DNAAF11: variants seen among roughly 807,000 people sequenced by gnomAD.
DNAAF11 encodes dynein axonemal assembly factor 11, also known as leucine rich repeat containing 6.
DNAAF11 carries 45 observed loss-of-function variants against 60.8 expected under a neutral mutation model. The ratio of observed to expected loss-of-function variants is 0.74; its 90% CI spans 0.58 to 0.95. DNAAF11 has a LOEUF of 0.95. Ranked by LOEUF, DNAAF11 falls within the 40% of genes least tolerant of loss-of-function variation. The probability of loss-of-function intolerance (pLI) is 0.00; values close to 1 mark genes in which losing one functional copy is unlikely to be tolerated. For synonymous variants in DNAAF11, 191 were observed against 183.5 expected (o/e 1.04, Z -0.33); for missense variants, 546 against 546.2 (o/e 1.00, Z 0.00).
At chr8:132,578,637 A>C in intron 11 of DNAAF11, 1 of 614,924 alleles carries the variant, frequency 1.6e-6, no homozygotes, top group East Asian at 3.0e-5. Context: ...AAAAAACATA[A>C]AGAAAGAACT....
intron 8 of DNAAF11, among the ~76,000 whole-genome samples, chr8:132,612,394 C>G (rs909485961): frequency 6.6e-6 from 1 of 152,102 alleles, no homozygotes; most frequent in Non-Finnish European, 1.5e-5. Flanking sequence ...CATGCTTGGG[C>G]CCCCTAAAAT....
At chr8:132,616,773 T>A (rs963734710) in intron 7 of DNAAF11, among the ~76,000 whole-genome samples, 7 of 152,198 alleles carry the variant, frequency 4.6e-5, no homozygotes, top group African/African-American at 1.7e-4. Context: ...AAAAGTTTTC[T>A]CAGCAAGGCA....
chr8:132,679,291 G>T (rs1394089920), upstream of DNAAF11, among the ~76,000 whole-genome samples: 2 of 152,114 alleles, frequency 1.3e-5, no homozygotes, highest in Admixed American at 1.3e-4. Context: ...GACACTTATT[G>T]GGTGCTCAGT....
chr8:132,601,164 A>G (rs1817571731), intron 10 of DNAAF11, among the ~76,000 whole-genome samples: 1 of 152,272 alleles, frequency 6.6e-6, no homozygotes. Flanking sequence ...CAACAGACAC[A>G]TGAAAAAATG....
intron 4 of DNAAF11, 64 bp downstream of exon 4, chr8:132,637,871 A>G: frequency 7.2e-7 from 1 of 1,385,044 alleles, no homozygotes; most frequent in South Asian, 1.4e-5. Flanking sequence ...CCAGTAAAGC[A>G]GGAATTATTG....
intron 5 of DNAAF11, among the ~76,000 whole-genome samples, chr8:132,628,394 A>G (rs1820487629): frequency 6.6e-6 from 1 of 152,102 alleles, no homozygotes; most frequent in Non-Finnish European, 1.5e-5. Flanking sequence ...CCTGGGTGAC[A>G]GAGTGAGACT....
chr8:132,586,146 G>A (rs1815865533), intron 10 of DNAAF11, among the ~76,000 whole-genome samples: 2 of 152,160 alleles, frequency 1.3e-5, no homozygotes, highest in Admixed American at 6.6e-5. Context: ...GAGAGAGAAC[G>A]GGGGGAAGGG....
rs754843539 is a variant in DNAAF11, at chr8:132,622,602, C to T, written c.914+9G>A. On this transcript the variant is annotated intron_variant, in intron 7 of 11. Coordinates refer to ENST00000620350, the MANE Select transcript of DNAAF11 (RefSeq NM_012472.6). ...TTGGGTCTTTAACGCTCTATTTGGC[C>T]TCACATACTTGGGCTCATTCACATT... is the stretch of plus-strand genomic sequence containing the variant. The T allele has an allele frequency of 1.9e-6, 3 of 1,610,322 alleles. 1 individual carries two copies. Among genetic ancestry groups the T allele is most frequent in the Non-Finnish European group, 8.5e-7 (1 of 1,177,428 alleles).
rs528340216 is a variant in DNAAF11, at chr8:132,635,847, A to AAGAG, written c.429+2084_429+2087dup. Among the ~76,000 whole-genome samples the AAGAG allele has an allele frequency of 3.7e-3, 560 of 152,272 alleles. 3 individuals are homozygous for AAGAG. The highest frequency in any genetic ancestry group is 0.013 in the African/African-American group (527 of 41,560). ...AGCCAATATGACTGGTGTCTTTATA[A>AAGAG]AGAGTCTTGTGAAGAGGAAGGCAGA... is the stretch of plus-strand genomic sequence containing the variant. On this transcript the variant is annotated intron_variant, in intron 4 of 11. Transcript: ENST00000620350.
At chr8:132,611,640 A>G (rs547981259) in intron 8 of DNAAF11, among the ~76,000 whole-genome samples, 2 of 152,254 alleles carry the variant, frequency 1.3e-5, no homozygotes, top group South Asian at 2.1e-4. Flanking sequence ...TTTGCAAAAA[A>G]CAGCTTGCCA....
intron 10 of DNAAF11, among the ~76,000 whole-genome samples, chr8:132,608,922 A>G (rs1201299734): frequency 6.6e-6 from 1 of 152,228 alleles, no homozygotes; most frequent in East Asian, 1.9e-4. Context: ...GAAATTGGCT[A>G]CAGGAAACGC....
chr8:132,602,467 C>A (rs567883107), intron 10 of DNAAF11, among the ~76,000 whole-genome samples: 2 of 152,198 alleles, frequency 1.3e-5, no homozygotes, highest in African/African-American at 4.8e-5. Flanking sequence ...GGCCGCCTTC[C>A]CTTCCAGCAT....
rs1563725880 is a variant in DNAAF11 at position 132,674,123 on chromosome 8, G to GGAGAAGGAGGAGGAA, written c.10+1360_10+1361insTTCCTCCTCCTTCTC. 3.6e-3 allele frequency among the ~76,000 whole-genome samples: 449 copies of GGAGAAGGAGGAGGAA among 125,082 alleles called. 50 individuals carry two copies. The highest frequency in any genetic ancestry group is 0.017 in the African/African-American group (406 of 24,140). 82.1% of individuals were successfully genotyped at this position (125,082 alleles called of 152,430 possible). On this transcript the variant is annotated intron_variant, in intron 1 of 11. Coordinates refer to ENST00000620350, the MANE Select transcript of DNAAF11 (RefSeq NM_012472.6). Reference sequence around the variant, plus strand: ...AGGAGGAGGAGGAGCAGGAGGAGGAGGAGGAGGAGGAGAAGGAGGAGGAAG... The same window carrying GGAGAAGGAGGAGGAA: ...AGGAGGAGGAGGAGCAGGAGGAGGAGGAGAAGGAGGAGGAAGAGGAGGAGGAGAAGGAGGAGGAAG...
chr8:132,687,010 T>G, the DNAAF11 span, among the ~76,000 whole-genome samples: 2 of 152,184 alleles, frequency 1.3e-5, no homozygotes, highest in Middle Eastern at 3.4e-3. Flanking sequence ...CTTTTTCCAT[T>G]TTCACTTCCC....
At chr8:132,670,272 A>G (rs982292805) in intron 1 of DNAAF11, among the ~76,000 whole-genome samples, 8 of 152,232 alleles carry the variant, frequency 5.3e-5, no homozygotes, top group Non-Finnish European at 1.0e-4. Context: ...TCAGCAAAAA[A>G]GAGAGAAGAC....
At chr8:132,575,256 A>G (rs905487568) in intron 11 of DNAAF11, among the ~76,000 whole-genome samples, 13 of 152,214 alleles carry the variant, frequency 8.5e-5, no homozygotes, top group Non-Finnish European at 1.5e-5. Context: ...GACAATGAAC[A>G]TAAGGCTGTT....
chr8:132,622,697 T>G lies in DNAAF11; in HGVS notation c.837-9A>C. The stretch of plus-strand genomic sequence containing the variant: ...CTTTCTTCTTTTTTTCACTTAAGAT[T>G]GGTGGTGGATGAGAACAATGGGCAG... On this transcript the variant is annotated splice_polypyrimidine_tract_variant and intron_variant, in intron 6 of 11. Transcript: ENST00000620350. The G allele has an allele frequency of 6.3e-7, 1 of 1,592,308 alleles. No homozygotes were observed. Among genetic ancestry groups the G allele is most frequent in the Non-Finnish European group, 8.6e-7 (1 of 1,160,580 alleles).
intron 3 of DNAAF11, among the ~76,000 whole-genome samples, chr8:132,651,168 G>A (rs182648485): frequency 1.3e-5 from 2 of 152,038 alleles, no homozygotes; most frequent in East Asian, 1.9e-4. Context: ...AAAGGCGGGT[G>A]GGGGAGCTCA....
chr8:132,573,194 G>A (rs1049988401), intron 11 of DNAAF11, among the ~76,000 whole-genome samples: 2 of 152,212 alleles, frequency 1.3e-5, no homozygotes, highest in African/African-American at 4.8e-5. Context: ...GATTCAATAA[G>A]TCTGGTGTTG....
Sources: allele counts gnomAD v4.1 joint callset (sites outside exome capture counted in the v4.1 genomes callset), GRCh38; gene constraint gnomAD v4.1.1; transcripts MANE v1.5; gene names NCBI Gene and HGNC (gene_info 2026-07-23, HGNC 2026-07-21).